Variants in SYT1 observed in about 807,000 individuals in gnomAD.
SYT1 encodes synaptotagmin 1, also known as synaptotagmin-1.
Under a neutral mutation model 44.8 loss-of-function variants are expected in SYT1, and 8 were observed. The observed-to-expected ratio is 0.18, with a 90% CI of 0.10 to 0.32. The LOEUF is 0.32. Among genes scored for constraint, SYT1 ranks in the 10% least tolerant of loss-of-function variants. SYT1 has a pLI of 1.00. For missense variants in SYT1, 286 were observed against 509.3 expected (o/e 0.56, Z 4.22); for synonymous variants, 154 against 188.8 (o/e 0.82, Z 1.51).
intron 9 of SYT1, among the ~76,000 whole-genome samples, chr12:79,375,823 C>T (rs564073055): frequency 6.6e-6 from 1 of 152,156 alleles, no homozygotes; most frequent in South Asian, 2.1e-4. Context: ...TAGCAGGGCG[C>T]CTGACTCAAA....
intron 8 of SYT1, among the ~76,000 whole-genome samples, chr12:79,307,430 G>T (rs934231923): frequency 2.9e-4 from 44 of 152,126 alleles, no homozygotes; most frequent in African/African-American, 1.1e-3. Flanking sequence ...TATAAGCCAG[G>T]TATTGTGCTA....
chr12:79,205,028 A>G (rs1389657443), intron 3 of SYT1, among the ~76,000 whole-genome samples: 1 of 144,244 alleles, frequency 6.9e-6, no homozygotes, highest in African/African-American at 2.6e-5. Context: ...GCAGTGGTGC[A>G]ATCTCGGCTC....
chr12:79,314,296 G>A (rs1880974473), intron 8 of SYT1, among the ~76,000 whole-genome samples: 1 of 151,924 alleles, frequency 6.6e-6, no homozygotes, highest in Admixed American at 6.6e-5. Flanking sequence ...CTTTTTTGAG[G>A]ACAGTGGGAC....
chr12:79,224,274 T>C (rs1174887925), intron 4 of SYT1, among the ~76,000 whole-genome samples: 1 of 152,192 alleles, frequency 6.6e-6, no homozygotes, highest in East Asian at 1.9e-4. Context: ...AACAAATATT[T>C]AGCACTCACA....
At chr12:79,045,342 G>C (rs910875662) in intron 2 of SYT1, among the ~76,000 whole-genome samples, 30 of 152,138 alleles carry the variant, frequency 2.0e-4, no homozygotes, top group African/African-American at 6.3e-4. Flanking sequence ...TTTTTAAGCC[G>C]GTCGGAAAAG....
upstream of SYT1, chr12:78,864,431 A>T (rs925396596): frequency 6.6e-6 from 1 of 150,740 alleles, no homozygotes; most frequent in Admixed American, 6.6e-5. Flanking sequence ...CTTGTGGGGC[A>T]TTCCTGAGTC....
chr12:79,166,308 A>C (rs1466118234), intron 3 of SYT1, among the ~76,000 whole-genome samples: 2 of 152,004 alleles, frequency 1.3e-5, no homozygotes, highest in African/African-American at 4.8e-5. Context: ...AATTATGGTA[A>C]ACTCTATCAT....
intron 9 of SYT1, among the ~76,000 whole-genome samples, chr12:79,397,819 A>G (rs1884929490): frequency 6.6e-6 from 1 of 152,212 alleles, no homozygotes; most frequent in Non-Finnish European, 1.5e-5. Context: ...TTTTCCGAGT[A>G]TATGTGAACT....
chr12:79,369,914 G>A (rs1178465534), intron 9 of SYT1, among the ~76,000 whole-genome samples: 6 of 152,290 alleles, frequency 3.9e-5, no homozygotes, highest in Non-Finnish European at 2.9e-5. Flanking sequence ...AAGATAACAA[G>A]AATGGAATCT....
At chr12:79,111,586 A>G (rs1367463589) in intron 3 of SYT1, among the ~76,000 whole-genome samples, 2 of 152,106 alleles carry the variant, frequency 1.3e-5, no homozygotes, top group African/African-American at 4.8e-5. Flanking sequence ...ATAGACAAAT[A>G]TGATATATTT....
chr12:79,191,206 T>C (rs1415197151), intron 3 of SYT1, among the ~76,000 whole-genome samples: 1 of 152,058 alleles, frequency 6.6e-6, no homozygotes, highest in Non-Finnish European at 1.5e-5. Context: ...CACAGGTTCA[T>C]TCAAGAAAAA....
chr12:79,324,805 T>C (rs528918720), intron 8 of SYT1, among the ~76,000 whole-genome samples: 128 of 152,086 alleles, frequency 8.4e-4, no homozygotes, highest in African/African-American at 2.9e-3. Flanking sequence ...GAATATTCCA[T>C]AACCTACAAA....
chr12:79,361,922 G>A (rs536402964), intron 9 of SYT1, among the ~76,000 whole-genome samples: 1 of 152,320 alleles, frequency 6.6e-6, no homozygotes, highest in South Asian at 2.1e-4. Flanking sequence ...ATTATTGGGA[G>A]AGGGGCAGTA....
intron 5 of SYT1, among the ~76,000 whole-genome samples, chr12:79,286,693 GT>G (rs1249986788): frequency 1.3e-5 from 2 of 151,986 alleles, no homozygotes; most frequent in East Asian, 3.9e-4. Flanking sequence ...GTTGCTATCT[GT>G]TTTTGGCTAA....
chr12:79,354,311 T>C (rs946856953), intron 9 of SYT1, among the ~76,000 whole-genome samples: 3 of 152,250 alleles, frequency 2.0e-5, no homozygotes, highest in African/African-American at 7.2e-5. Flanking sequence ...ATCAATTATA[T>C]TTTTAATTTT....
At chr12:79,312,484 G>T (rs760621337) in intron 8 of SYT1, among the ~76,000 whole-genome samples, 2 of 152,038 alleles carry the variant, frequency 1.3e-5, no homozygotes, top group Non-Finnish European at 2.9e-5. Flanking sequence ...CCCCACACTG[G>T]ATAGAATTTA....
chr12:79,386,880 A>G (rs1884456734), intron 9 of SYT1, among the ~76,000 whole-genome samples: 1 of 151,810 alleles, frequency 6.6e-6, no homozygotes, highest in Non-Finnish European at 1.5e-5. Context: ...ACGGGTGTGC[A>G]CTCTCCTTAT....
intron 3 of SYT1, among the ~76,000 whole-genome samples, chr12:79,061,784 A>T (rs1413153269): frequency 6.6e-6 from 1 of 152,144 alleles, no homozygotes; most frequent in African/African-American, 2.4e-5. Context: ...GAATTTAGTT[A>T]AGCACATGGG....
At chr12:79,418,110 CTTAT>C (rs1868870658) in intron 9 of SYT1, among the ~76,000 whole-genome samples, 1 of 152,064 alleles carries the variant, frequency 6.6e-6, no homozygotes, top group South Asian at 2.1e-4. Context: ...TGTCTCATGT[CTTAT>C]TTAATTACTT....
Sources: allele counts gnomAD v4.1 joint callset (sites outside exome capture counted in the v4.1 genomes callset), GRCh38; gene constraint gnomAD v4.1.1; transcripts MANE v1.5; gene names NCBI Gene and HGNC (gene_info 2026-07-23, HGNC 2026-07-21).